Variants in PKIA observed in about 807,000 individuals in gnomAD.
PKIA encodes the protein PKI-alpha.
In PKIA, 4 loss-of-function variants were observed where a neutral mutation model predicts 7.6. That is an observed-to-expected ratio of 0.52 (90% CI 0.26 to 1.20). The LOEUF is 1.20. PKIA is among the 50% of genes most tolerant of loss of function. The probability of loss-of-function intolerance (pLI) is 0.13; values close to 1 mark genes in which losing one functional copy is unlikely to be tolerated. For missense variants in PKIA, 73 were observed against 86.2 expected, an observed-to-expected ratio of 0.85 and a Z score of 0.61; for synonymous variants, 21 against 30.7, an observed-to-expected ratio of 0.68 and a Z score of 1.04.
chr8:78,529,813 A>G (rs1163162686), intron 1 of PKIA, among the ~76,000 whole-genome samples: 1 of 152,046 alleles, frequency 6.6e-6, no homozygotes, highest in Non-Finnish European at 1.5e-5. Flanking sequence ...CATGGAGGAA[A>G]ATATTAAAAG....
chr8:78,539,609 A>G (rs1806621977), intron 1 of PKIA, among the ~76,000 whole-genome samples: 2 of 152,068 alleles, frequency 1.3e-5, no homozygotes, highest in South Asian at 4.1e-4. Context: ...TCTACAAGCC[A>G]AACCCATTCT....
chr8:78,579,374 T>C (rs1230285309), intron 2 of PKIA, among the ~76,000 whole-genome samples: 1 of 152,082 alleles, frequency 6.6e-6, no homozygotes, highest in East Asian at 1.9e-4. Flanking sequence ...TTCTTTGACC[T>C]ACATGGCCTT....
intron 1 of PKIA, among the ~76,000 whole-genome samples, chr8:78,561,265 C>T (rs915998335): frequency 1.2e-4 from 18 of 152,116 alleles, no homozygotes; most frequent in African/African-American, 4.3e-4. Flanking sequence ...GTTGGTCTAA[C>T]ACTCTACATA....
At chr8:78,525,484 C>T (rs1809524754) in intron 1 of PKIA, among the ~76,000 whole-genome samples, 1 of 151,962 alleles carries the variant, frequency 6.6e-6, no homozygotes, top group East Asian at 1.9e-4. Flanking sequence ...ACTAAACAGT[C>T]CATTAAATAA....
At chr8:78,529,727 G>C (rs897848113) in intron 1 of PKIA, among the ~76,000 whole-genome samples, 1 of 151,836 alleles carries the variant, frequency 6.6e-6, no homozygotes, top group African/African-American at 2.4e-5. Context: ...GATTCTTAGA[G>C]TAGAAAATAA....
At chr8:78,536,707 A>C (rs997573975) in intron 1 of PKIA, among the ~76,000 whole-genome samples, 2 of 152,048 alleles carry the variant, frequency 1.3e-5, no homozygotes, top group African/African-American at 4.8e-5. Context: ...CATATATAAG[A>C]GTTTCTTTGA....
intron 1 of PKIA, among the ~76,000 whole-genome samples, chr8:78,530,372 G>A (rs1311245070): frequency 6.6e-6 from 1 of 151,958 alleles, no homozygotes; most frequent in Non-Finnish European, 1.5e-5. Context: ...TAAGAGTTAA[G>A]CATAAACATG....
chr8:78,587,533 A>T (rs980739203), intron 2 of PKIA, among the ~76,000 whole-genome samples: 1 of 152,212 alleles, frequency 6.6e-6, no homozygotes, highest in East Asian at 1.9e-4. Flanking sequence ...GGGTATTGCA[A>T]AGATTAGTGG....
chr8:78,596,328 C>T (rs1044861145), intron 2 of PKIA, among the ~76,000 whole-genome samples: 1 of 152,140 alleles, frequency 6.6e-6, no homozygotes, highest in African/African-American at 2.4e-5. Context: ...TGATCTCCGC[C>T]TCCCGGGTTC....
intron 2 of PKIA, among the ~76,000 whole-genome samples, chr8:78,588,489 T>C (rs1353077377): frequency 6.6e-6 from 1 of 151,564 alleles, no homozygotes; most frequent in Non-Finnish European, 1.5e-5. Flanking sequence ...TCAAAAAAAA[T>C]ATAAACAACA....
intron 2 of PKIA, among the ~76,000 whole-genome samples, chr8:78,573,607 A>G (rs968817497): frequency 1.3e-5 from 2 of 152,060 alleles, no homozygotes; most frequent in Non-Finnish European, 2.9e-5. Context: ...TAACATCATA[A>G]TAAGTGGCTC....
intron 1 of PKIA, among the ~76,000 whole-genome samples, chr8:78,521,779 A>G (rs905856648): frequency 1.3e-5 from 2 of 151,952 alleles, no homozygotes; most frequent in Non-Finnish European, 2.9e-5. Flanking sequence ...ATAATTAACA[A>G]TGTTGGGCAA....
At chr8:78,588,544 G>A (rs1189877170) in intron 2 of PKIA, among the ~76,000 whole-genome samples, 1 of 152,020 alleles carries the variant, frequency 6.6e-6, no homozygotes, top group Non-Finnish European at 1.5e-5. Context: ...AATTTGATAT[G>A]GATGACTATT....
intron 1 of PKIA, among the ~76,000 whole-genome samples, chr8:78,538,646 C>T (rs1563571140): frequency 6.6e-6 from 1 of 151,880 alleles, no homozygotes; most frequent in Non-Finnish European, 1.5e-5. Flanking sequence ...CACTTTACCT[C>T]ATCTGGCAGC....
intron 2 of PKIA, among the ~76,000 whole-genome samples, chr8:78,593,993 C>T (rs1289176351): frequency 6.6e-6 from 1 of 152,180 alleles, no homozygotes; most frequent in Non-Finnish European, 1.5e-5. Context: ...TTCTATTTAA[C>T]ATATTCTTAT....
At chr8:78,556,988 ACT>A (rs1207591988) in intron 1 of PKIA, among the ~76,000 whole-genome samples, 1 of 151,804 alleles carries the variant, frequency 6.6e-6, no homozygotes, top group African/African-American at 2.4e-5. Flanking sequence ...CTACTAATTG[ACT>A]CTCACTATTT....
intron 1 of PKIA, among the ~76,000 whole-genome samples, chr8:78,530,957 C>T (rs1806373793): frequency 6.6e-6 from 1 of 152,054 alleles, no homozygotes; most frequent in Non-Finnish European, 1.5e-5. Flanking sequence ...TTTGTTAATG[C>T]TTCTGAAATA....
chr8:78,532,509 C>CAA (rs531910650), intron 1 of PKIA, among the ~76,000 whole-genome samples: 4,714 of 101,242 alleles, frequency 0.047, 110 homozygotes, highest in African/African-American at 0.06. Context: ...GACTCCATCT[C>CAA]AAAAAAAAAA....
chr8:78,539,847 T>C (rs1806629968), intron 1 of PKIA, among the ~76,000 whole-genome samples: 1 of 152,052 alleles, frequency 6.6e-6, no homozygotes, highest in Non-Finnish European at 1.5e-5. Context: ...GAATTTAATT[T>C]GAATGTGAAG....
Sources: gnomAD v4.1 joint callset for allele counts (sites outside exome capture counted in the v4.1 genomes callset) on GRCh38, gnomAD v4.1.1 for gene constraint, MANE v1.5 for transcripts, NCBI Gene and HGNC (gene_info 2026-07-23, HGNC 2026-07-21) for gene names.